CFAP298: variants seen among roughly 807,000 people sequenced by gnomAD.
CFAP298 encodes cilia and flagella associated protein 298.
A neutral mutation model predicts 41.0 loss-of-function variants in CFAP298; 38 were observed. The ratio of observed to expected loss-of-function variants is 0.93; its 90% CI spans 0.72 to 1.22. The LOEUF (loss-of-function observed/expected upper bound fraction) is 1.22. CFAP298 is among the 50% of genes most tolerant of loss of function. CFAP298 has a pLI of 0.00. For missense variants in CFAP298, 348 were observed against 360.3 expected (o/e 0.97, Z 0.28); for synonymous variants, 137 against 135.3 (o/e 1.01, Z -0.09).
rs1782961 is a variant in CFAP298 at position 32,599,568 on chromosome 21, G to A, written c.*2295C>T. Among the ~76,000 whole-genome samples, 15,118 of 152,202 alleles carry A rather than the reference G, an allele frequency of 0.099. 903 individuals are homozygous for A. The highest frequency in any genetic ancestry group is 0.16 in the African/African-American group (6,733 of 41,496). On this transcript the variant is annotated 3_prime_UTR_variant, in exon 7 of 7. Transcript: ENST00000290155. Reference sequence around the variant, plus strand: ...GACCACAGACTTAAGCTGATCAGTGGTCTAACACTGGCAAGATTACTTTTG... The same window carrying A: ...GACCACAGACTTAAGCTGATCAGTGATCTAACACTGGCAAGATTACTTTTG...
At chr21:32,607,943 CA>C (rs1159207444) in intron 2 of CFAP298, among the ~76,000 whole-genome samples, 1 of 152,030 alleles carries the variant, frequency 6.6e-6, no homozygotes, top group African/African-American at 2.4e-5. Flanking sequence ...GCAAAGGCTA[CA>C]AAAAACAGAA....
Position 32,604,293 on chromosome 21 carries a change from G to A in CFAP298, c.376-10C>T, listed in dbSNP as rs201488027. 6.4e-5 allele frequency: 104 copies of A among 1,613,870 alleles called. No homozygotes were observed. The highest frequency in any genetic ancestry group is 8.8e-5 in the Non-Finnish European group (104 of 1,179,994). On this transcript the variant is annotated splice_polypyrimidine_tract_variant and intron_variant, in intron 3 of 6. Transcript: ENST00000290155. ...CGGCTTCCACTTGTTTCTGCAAGCA[G>A]AAAGCCATCGTTATCTACAGTGTGG...
intron 3 of CFAP298, among the ~76,000 whole-genome samples, chr21:32,605,096 TTGAGC>T (rs11278907): frequency 0.012 from 1,788 of 152,328 alleles, 42 homozygotes; most frequent in African/African-American, 0.041. Flanking sequence ...GGACAATTGC[TTGAGC>T]CTGGGAGGCA....
At position 32,600,075 on chromosome 21, in the gene CFAP298, TACAAGTCTGAGCATGAATTTA is replaced by T. The variant is rs2038711261; in HGVS notation, c.*1767_*1787del. ...TCACATGGCTTGGTTAACTGTTTCT[TACAAGTCTGAGCATGAATTTA>T]ACACACACGAACTATACACTGACAA... On this transcript the variant is annotated 3_prime_UTR_variant, in exon 7 of 7. Transcript: ENST00000290155. Among the ~76,000 whole-genome samples, 1 of 152,194 alleles carries T rather than the reference TACAAGTCTGAGCATGAATTTA, an allele frequency of 6.6e-6. No homozygotes were observed. Among genetic ancestry groups the T allele is most frequent in the Non-Finnish European group, 1.5e-5 (1 of 68,028 alleles).
intron 2 of CFAP298, among the ~76,000 whole-genome samples, chr21:32,608,907 T>A (rs1336541042): frequency 6.6e-6 from 1 of 152,146 alleles, no homozygotes; most frequent in Non-Finnish European, 1.5e-5. Flanking sequence ...CTTGCAGGAA[T>A]ACTGTTCTTT....
At position 32,600,942 on chromosome 21, in the gene CFAP298, A is replaced by G. The variant is rs2038723708; in HGVS notation, c.*921T>C. ...CATCATGGTTGTAGCTTTCGCTCCC[A>G]GAATACAAGGCCAGAGAGGCACCAA... On this transcript the variant is annotated 3_prime_UTR_variant, in exon 7 of 7. Coordinates refer to ENST00000290155, the MANE Select transcript of CFAP298 (RefSeq NM_021254.4). Among the ~76,000 whole-genome samples, 1 of 152,280 alleles carries G rather than the reference A, an allele frequency of 6.6e-6. No individual in the cohort carries two copies. The highest frequency in any genetic ancestry group is 2.1e-4 in the South Asian group (1 of 4,834).
rs1471581311 is a variant in CFAP298, at chr21:32,607,655, T to C, written c.369A>G (p.Ile123Met). Residue 123 changes from isoleucine to methionine, a missense_variant, in exon 3 of 7, where the codon ATA becomes ATG. Transcript: ENST00000290155. ...ATCATTTAAAAAAGCCAACCTTAGA[T>C]ATTATTGCTTTGGCTTCTTCTATAG... The part of the protein sequence containing the change: ...KKTIEEAKAI[I>M]SKKQVEAGVC... The C allele has an allele frequency of 1.1e-5, 17 of 1,566,512 alleles. No individual in the cohort carries two copies. Among genetic ancestry groups the C allele is most frequent in the Admixed American group, 1.8e-5 (1 of 56,324 alleles).
At chr21:32,604,077 G>A (rs1246303193) in intron 4 of CFAP298, 48 bp downstream of exon 4, 9 of 1,578,968 alleles carry the variant, frequency 5.7e-6, no homozygotes, top group African/African-American at 1.3e-5. Context: ...TAAGGGCTTT[G>A]GGGGCCAGGA....
chr21:32,600,445 G>A lies in CFAP298; in HGVS notation c.*1418C>T, dbSNP rs1311656221. On this transcript the variant is annotated 3_prime_UTR_variant, in exon 7 of 7. Coordinates refer to ENST00000290155, the MANE Select transcript of CFAP298 (RefSeq NM_021254.4). ...TCCTCTTTGCAGGATGGTGGGGAGC[G>A]CAGGCACCAAGGCAGGAAGGCCAGG... Among the ~76,000 whole-genome samples the A allele has an allele frequency of 2.0e-5, 3 of 152,168 alleles. No homozygotes were observed. The highest frequency in any genetic ancestry group is 2.1e-4 in the South Asian group (1 of 4,834).
intron 3 of CFAP298, 101 bp downstream of exon 3, chr21:32,607,548 G>T (rs1344609474): frequency 7.5e-6 from 5 of 666,314 alleles, no homozygotes; most frequent in East Asian, 2.7e-5. Context: ...AGCCGAGATC[G>T]CACCATTGCA....
In CFAP298 at chr21:32,600,515, C is replaced by T. The variant is rs2038717627; in HGVS notation, c.*1348G>A. Reference sequence around the variant, plus strand: ...CCTTCACTTTCCCTCAGTGTGAGCACACCAAGTTCCCTCTAACCAGGAGAA... The same window carrying T: ...CCTTCACTTTCCCTCAGTGTGAGCATACCAAGTTCCCTCTAACCAGGAGAA... On this transcript the variant is annotated 3_prime_UTR_variant, in exon 7 of 7. Transcript: ENST00000290155. 1.3e-5 allele frequency among the ~76,000 whole-genome samples: 2 copies of T among 152,230 alleles called. No individual in the cohort carries two copies. Among genetic ancestry groups the T allele is most frequent in the Non-Finnish European group, 2.9e-5 (2 of 68,038 alleles).
At chr21:32,610,754 C>G (rs775403280) in intron 1 of CFAP298, among the ~76,000 whole-genome samples, 8 of 152,128 alleles carry the variant, frequency 5.3e-5, no homozygotes, top group Non-Finnish European at 1.0e-4. Flanking sequence ...AATTTCTCCA[C>G]GGTGCAAAAC....
chr21:32,604,448 G>C, intron 3 of CFAP298, 165 bp from the exon 4 acceptor site: 1 of 702,386 alleles, frequency 1.4e-6, no homozygotes, highest in Non-Finnish European at 2.4e-6. Flanking sequence ...GCTGAGCGAA[G>C]CACACCGTGG....
intron 5 of CFAP298, chr21:32,602,724 G>A (rs1268633190): frequency 2.4e-6 from 3 of 1,253,104 alleles, no homozygotes; most frequent in African/African-American, 3.1e-5. Flanking sequence ...TAGTGACGTA[G>A]GAGCACCCAC....
chr21:32,601,151 G>C lies in CFAP298; in HGVS notation c.*712C>G, dbSNP rs979774184. ...GGGAGTTCAGCTTCCAATAGATCTA[G>C]AGGGCCAGGAGAAAAAGCATGCTGA... On this transcript the variant is annotated 3_prime_UTR_variant, in exon 7 of 7. Transcript: ENST00000290155. Among the ~76,000 whole-genome samples the C allele has an allele frequency of 6.6e-6, 1 of 152,124 alleles. No homozygotes were observed. Among genetic ancestry groups the C allele is most frequent in the Non-Finnish European group, 1.5e-5 (1 of 68,028 alleles).
chr21:32,611,054 A>G (rs1160893366), intron 1 of CFAP298, among the ~76,000 whole-genome samples: 1 of 151,928 alleles, frequency 6.6e-6, no homozygotes, highest in African/African-American at 2.4e-5. Context: ...TTGTAATCCT[A>G]GCACTTTGGG....
chr21:32,612,006 A>C (rs1375418292), intron 1 of CFAP298, 99 bp downstream of exon 1: 28 of 1,331,880 alleles, frequency 2.1e-5, no homozygotes, highest in Non-Finnish European at 1.1e-5. Flanking sequence ...CTCTTCAATA[A>C]TCTTCACAAA....
intron 1 of CFAP298, among the ~76,000 whole-genome samples, chr21:32,610,811 T>C (rs943562629): frequency 1.3e-5 from 2 of 152,144 alleles, no homozygotes; most frequent in African/African-American, 4.8e-5. Context: ...ATAAATCACA[T>C]ATTCATGCAA....
chr21:32,602,280 C>A lies in CFAP298; in HGVS notation c.754G>T (p.Glu252Ter). 2 of 1,614,074 alleles carry A rather than the reference C, an allele frequency of 1.2e-6. No homozygotes were observed. The highest frequency in any genetic ancestry group is 1.7e-6 in the Non-Finnish European group (2 of 1,180,028). Residue 252 changes from glutamate (E) to a stop codon, truncating the protein, a stop_gained, in exon 6 of 7, where the codon GAG (glutamate) becomes TAG (stop). Transcript: ENST00000290155. LOFTEE classifies it high-confidence loss of function. The part of the protein sequence containing the change: ...LMLYYHRRQE[E>*]LKRLEENDDD... ...CATCTGTCCCCTGCTACCTTGAGCTCCTCTTGTCTTCTGTGATAGTACAGC... is the reference window on the plus strand; with the variant it reads ...CATCTGTCCCCTGCTACCTTGAGCTACTCTTGTCTTCTGTGATAGTACAGC...
Sources: allele counts gnomAD v4.1 joint callset (sites outside exome capture counted in the v4.1 genomes callset), GRCh38; gene constraint gnomAD v4.1.1; transcripts MANE v1.5; gene names NCBI Gene and HGNC (gene_info 2026-07-23, HGNC 2026-07-21).